The following CDKAL1 variants were observed in gnomAD, a reference collection of about 807,000 sequenced individuals.
The protein encoded by CDKAL1 is CDKAL1 threonylcarbamoyladenosine tRNA methylthiotransferase.
Under a neutral mutation model 68.2 loss-of-function variants are expected in CDKAL1, and 32 were observed. The observed-to-expected ratio is 0.47, with a 90% confidence interval of 0.35 to 0.63. The LOEUF is 0.63. CDKAL1 is among the 30% of genes least tolerant of loss of function. The pLI is 0.00. For synonymous variants in CDKAL1, 234 were observed against 244.3 expected, an observed-to-expected ratio of 0.96 and a Z score of 0.39; for missense variants, 606 against 696.7, an observed-to-expected ratio of 0.87 and a Z score of 1.47.
intron 8 of CDKAL1, among the ~76,000 whole-genome samples, chr6:20,843,561 C>T (rs1489870227): frequency 1.3e-5 from 2 of 151,990 alleles, no homozygotes; most frequent in African/African-American, 2.4e-5. Context: ...TCATGTGCAC[C>T]TTATACGCAT....
At chr6:20,908,193 T>G (rs1210156193) in intron 9 of CDKAL1, among the ~76,000 whole-genome samples, 2 of 152,310 alleles carry the variant, frequency 1.3e-5, no homozygotes, top group East Asian at 3.9e-4. Flanking sequence ...TTGATTTTTT[T>G]TTCTCTACCA....
chr6:20,797,870 A>C (rs1228355147), intron 8 of CDKAL1, among the ~76,000 whole-genome samples: 1 of 149,404 alleles, frequency 6.7e-6, no homozygotes, highest in African/African-American at 2.5e-5. Flanking sequence ...AGGCTGGAGT[A>C]TAGTGGCGCA....
chr6:21,087,281 A>G (rs1024908022), intron 12 of CDKAL1, among the ~76,000 whole-genome samples: 3 of 152,220 alleles, frequency 2.0e-5, no homozygotes, highest in Non-Finnish European at 4.4e-5. Flanking sequence ...TTTGAGAAAC[A>G]TCCTTGCTCC....
intron 5 of CDKAL1, among the ~76,000 whole-genome samples, chr6:20,677,280 G>A (rs780897172): frequency 6.6e-6 from 1 of 151,914 alleles, no homozygotes; most frequent in South Asian, 2.1e-4. Flanking sequence ...CTGTTGTCCC[G>A]GCTGGTCTTG....
intron 5 of CDKAL1, among the ~76,000 whole-genome samples, chr6:20,695,816 C>T (rs914980193): frequency 3.3e-5 from 5 of 151,978 alleles, no homozygotes; most frequent in Non-Finnish European, 7.4e-5. Context: ...ATTATTTAAG[C>T]GTATAGTTCA....
chr6:20,824,553 C>A (rs1314256532), intron 8 of CDKAL1, among the ~76,000 whole-genome samples: 1 of 152,148 alleles, frequency 6.6e-6, no homozygotes, highest in East Asian at 1.9e-4. Flanking sequence ...CAATCAGAGG[C>A]CACCCTTAGT....
intron 4 of CDKAL1, among the ~76,000 whole-genome samples, chr6:20,647,983 G>A (rs1768557715): frequency 6.6e-6 from 1 of 150,398 alleles, no homozygotes; most frequent in Non-Finnish European, 1.5e-5. Context: ...GCTGAGGCAG[G>A]AGAATGTCGT....
intron 9 of CDKAL1, 90 bp from the exon 10 acceptor site, chr6:20,955,329 G>C: frequency 7.6e-7 from 1 of 1,316,954 alleles, no homozygotes; most frequent in East Asian, 2.3e-5. Flanking sequence ...TAATAGTGTT[G>C]AGAAATACTG....
At chr6:21,173,851 C>T (rs1429025269) in intron 13 of CDKAL1, among the ~76,000 whole-genome samples, 1 of 152,170 alleles carries the variant, frequency 6.6e-6, no homozygotes, top group African/African-American at 2.4e-5. Flanking sequence ...AAGAGTAATC[C>T]TTGAGGACAG....
intron 9 of CDKAL1, among the ~76,000 whole-genome samples, chr6:20,915,652 AAATT>A (rs1762690932): frequency 6.6e-6 from 1 of 152,210 alleles, no homozygotes; most frequent in Non-Finnish European, 1.5e-5. Context: ...AACCACTTAA[AAATT>A]AATTATCCCA....
At chr6:20,609,373 C>CCTTCTT (rs200074365) in intron 4 of CDKAL1, among the ~76,000 whole-genome samples, 21 of 107,800 alleles carry the variant, frequency 1.9e-4, no homozygotes, top group African/African-American at 2.6e-4. Flanking sequence ...TTCTCCTTCT[C>CCTTCTT]CTTCTTCTTC....
At chr6:21,157,006 C>CT (rs1362368505) in intron 13 of CDKAL1, among the ~76,000 whole-genome samples, 1 of 152,088 alleles carries the variant, frequency 6.6e-6, no homozygotes, top group Non-Finnish European at 1.5e-5. Context: ...TTATTGATTT[C>CT]TTTTTCTGCG....
chr6:20,669,792 T>G (rs1296470031), intron 5 of CDKAL1, among the ~76,000 whole-genome samples: 1 of 152,182 alleles, frequency 6.6e-6, no homozygotes, highest in Non-Finnish European at 1.5e-5. Context: ...GAAGAAGCCC[T>G]GGTTCCTTTC....
intron 13 of CDKAL1, among the ~76,000 whole-genome samples, chr6:21,186,629 T>C (rs1233619790): frequency 6.6e-6 from 1 of 152,208 alleles, no homozygotes; most frequent in African/African-American, 2.4e-5. Flanking sequence ...AAGAATAATT[T>C]AATGGTCAAA....
intron 9 of CDKAL1, among the ~76,000 whole-genome samples, chr6:20,881,078 A>G (rs1242516970): frequency 1.3e-5 from 2 of 152,256 alleles, no homozygotes; most frequent in Non-Finnish European, 1.5e-5. Context: ...TTCATTAAAC[A>G]GACTATTGAC....
intron 10 of CDKAL1, among the ~76,000 whole-genome samples, chr6:20,987,020 G>C (rs2150786664): frequency 1.3e-5 from 2 of 152,232 alleles, no homozygotes; most frequent in Middle Eastern, 3.4e-3. Flanking sequence ...CCCATGATTG[G>C]CTGTCCTATA....
intron 12 of CDKAL1, among the ~76,000 whole-genome samples, chr6:21,095,578 C>T (rs1348315694): frequency 6.6e-6 from 1 of 150,818 alleles, no homozygotes. Context: ...CCCAACCCCC[C>T]TCCTACCCCT....
intron 11 of CDKAL1, among the ~76,000 whole-genome samples, chr6:21,020,481 T>G (rs976109736): frequency 1.4e-4 from 21 of 152,264 alleles, no homozygotes; most frequent in Middle Eastern, 3.4e-3. Context: ...TATTTATTTA[T>G]TTTGAGATAG....
chr6:20,832,951 A>G (rs1016137366), intron 8 of CDKAL1, among the ~76,000 whole-genome samples: 5 of 152,092 alleles, frequency 3.3e-5, no homozygotes, highest in Admixed American at 6.6e-5. Context: ...TTTTGTCTCA[A>G]TCTCTAAAAG....
Sources: allele counts gnomAD v4.1 joint callset (sites outside exome capture counted in the v4.1 genomes callset), GRCh38; gene constraint gnomAD v4.1.1; transcripts MANE v1.5; gene names NCBI Gene and HGNC (gene_info 2026-07-23, HGNC 2026-07-21).